Variants in SLC47A1 observed in about 807,000 individuals in gnomAD.
SLC47A1 encodes the protein multidrug and toxin extrusion protein 1.
SLC47A1 carries 58 observed loss-of-function variants against 65.8 expected under a neutral mutation model. The observed-to-expected ratio is 0.88, with a 90% CI of 0.71 to 1.10. The LOEUF (loss-of-function observed/expected upper bound fraction) is 1.10. Ranked by LOEUF, SLC47A1 falls within the 50% of genes least tolerant of loss-of-function variation. The pLI is 0.00. For synonymous variants in SLC47A1, 285 were observed against 295.0 expected (o/e 0.97, Z 0.35); for missense variants, 706 against 719.2 (o/e 0.98, Z 0.21).
chr17:19,574,169 C>G (rs1441101863), intron 16 of SLC47A1, among the ~76,000 whole-genome samples: 2 of 151,622 alleles, frequency 1.3e-5, no homozygotes, highest in East Asian at 3.9e-4. Flanking sequence ...GTGATCCACC[C>G]TCCTCGGCCC....
intron 12 of SLC47A1, among the ~76,000 whole-genome samples, chr17:19,564,363 TATA>T (rs1170464660): frequency 6.6e-6 from 1 of 151,794 alleles, no homozygotes; most frequent in Admixed American, 6.6e-5. Context: ...AAAAAGTGAA[TATA>T]ATATCTCAGG....
In SLC47A1 at chr17:19,576,198, CAA is replaced by C. The variant is rs1035035829; in HGVS notation, c.1487-1127_1487-1126del. On this transcript the variant is annotated intron_variant, in intron 16 of 16. Coordinates refer to ENST00000270570, the MANE Select transcript of SLC47A1 (RefSeq NM_018242.3). ...GTCTCTTTCAAGGCCTGTTGATCTCCAAAGAGTTTTTAATTTAAAATACTCAT... is the reference window on the plus strand; with the variant it reads ...GTCTCTTTCAAGGCCTGTTGATCTCCAGAGTTTTTAATTTAAAATACTCAT... 4.7e-5 allele frequency among the ~76,000 whole-genome samples: 7 copies of C among 149,910 alleles called. No homozygotes were observed. The Admixed American group carries it at 4.7e-4, about 10-fold the overall frequency.
chr17:19,566,548 C>T (rs2084359299), intron 12 of SLC47A1, among the ~76,000 whole-genome samples: 1 of 152,148 alleles, frequency 6.6e-6, no homozygotes, highest in Admixed American at 6.5e-5. Flanking sequence ...GCCTCAGCCT[C>T]CTGAGTAGCT....
At position 19,555,793 on chromosome 17, in the gene SLC47A1, C is replaced by A. The variant is rs760974065; in HGVS notation, c.740-3C>A. ...CCTGGAAATGTGTGTGTCCCCCCCACAGGCTGGTCCCTCGAGTGCCTGCAG... is the reference window on the plus strand; with the variant it reads ...CCTGGAAATGTGTGTGTCCCCCCCAAAGGCTGGTCCCTCGAGTGCCTGCAG... On this transcript the variant is annotated splice_polypyrimidine_tract_variant and splice_region_variant and intron_variant, in intron 8 of 16. Coordinates refer to ENST00000270570, the MANE Select transcript of SLC47A1 (RefSeq NM_018242.3). 3 of 1,613,502 alleles carry A rather than the reference C, an allele frequency of 1.9e-6. No homozygotes were observed. Among genetic ancestry groups the A allele is most frequent in the South Asian group, 1.1e-5 (1 of 91,084 alleles).
chr17:19,566,608 A>G (rs909399645), intron 12 of SLC47A1, among the ~76,000 whole-genome samples, 182 bp from the exon 13 acceptor site: 6 of 152,158 alleles, frequency 3.9e-5, no homozygotes, highest in South Asian at 2.1e-4. Context: ...TATTTTTAGT[A>G]GATACGGGGT....
rs373607493 is a variant in SLC47A1, at chr17:19,548,110, C to G, written c.432C>G (p.Phe144Leu). The change falls in exon 4 of 17, where the codon TTC becomes TTG. Residue 144 changes from phenylalanine to leucine, a missense_variant. Transcript: ENST00000270570. ...FLNTQHILLL[F>L]RQDPDVSRLT... ...ACACCCAGCACATCCTGCTGCTCTT[C>G]AGGCAGGACCCAGATGTGTCCAGGT... is the stretch of plus-strand genomic sequence containing the variant. 5 of 1,613,616 alleles carry G rather than the reference C, an allele frequency of 3.1e-6. No individual in the cohort carries two copies. In the African/African-American group the frequency reaches 6.7e-5, roughly 22 times the overall value.
rs1481736435 is a variant in SLC47A1 at position 19,560,186 on chromosome 17, A to T, written c.922-2A>T. 1 of 1,603,232 alleles carries T rather than the reference A, an allele frequency of 6.2e-7. No homozygotes were observed. Among genetic ancestry groups the T allele is most frequent in the Non-Finnish European group, 8.5e-7 (1 of 1,175,350 alleles). On this transcript the variant is annotated splice_acceptor_variant, in intron 10 of 16. Coordinates refer to ENST00000270570, the MANE Select transcript of SLC47A1 (RefSeq NM_018242.3). LOFTEE classifies it high-confidence loss of function. ...TTGTTGCAGGTTTCCTTTTTATTTT[A>T]GGTCCCTGCAGGCTTCAGTGTGGCT...
rs747199363 is a variant in SLC47A1, at chr17:19,542,437, C to T, written c.180C>T (p.Ser60=). 21 of 1,612,202 alleles carry T rather than the reference C, an allele frequency of 1.3e-5. No homozygotes were observed. Among genetic ancestry groups the T allele is most frequent in the East Asian group, 1.1e-4 (5 of 44,714 alleles). The change falls in exon 2 of 17, where the codon TCC becomes TCT. Residue 60 remains serine, a synonymous_variant. Transcript: ENST00000270570. ...LMVFLISFIS[S]VFCGHLGKLE... ...TGTTCCTGATCAGCTTCATAAGCTC[C>T]GTGTTCTGTGGCCACCTGGGCAAGC...
chr17:19,577,680 A>G lies in SLC47A1; in HGVS notation c.*127A>G. 6.8e-7 allele frequency: 1 copy of G among 1,476,974 alleles called. No homozygotes were observed. Among genetic ancestry groups the G allele is most frequent in the Non-Finnish European group, 8.9e-7 (1 of 1,121,848 alleles). The allele number at this position is 1,476,974 out of a possible 1,614,324, so 91.5% of individuals were successfully genotyped here. On this transcript the variant is annotated 3_prime_UTR_variant, in exon 17 of 17. Coordinates refer to ENST00000270570, the MANE Select transcript of SLC47A1 (RefSeq NM_018242.3). ...TGCCCATGGATTTTGAGGGCTGGAA[A>G]TGCAAAGACACATTTTTCTATAAAA...
chr17:19,542,990 C>T (rs865805607), intron 2 of SLC47A1, among the ~76,000 whole-genome samples: 1 of 152,024 alleles, frequency 6.6e-6, no homozygotes, highest in Middle Eastern at 3.4e-3. Flanking sequence ...TGGGGTTTCA[C>T]CATGTTGCCC....
chr17:19,577,702 A>G lies in SLC47A1; in HGVS notation c.*149A>G, dbSNP rs772276980. On this transcript the variant is annotated 3_prime_UTR_variant, in exon 17 of 17. Transcript: ENST00000270570. Reference sequence around the variant, plus strand: ...GAAATGCAAAGACACATTTTTCTATAAAAAGAAAAAGCAACTAAGGTTAAA... The same window carrying G: ...GAAATGCAAAGACACATTTTTCTATGAAAAGAAAAAGCAACTAAGGTTAAA... 6.9e-7 allele frequency: 1 copy of G among 1,444,220 alleles called. No individual in the cohort carries two copies. Among genetic ancestry groups the G allele is most frequent in the Non-Finnish European group, 9.0e-7 (1 of 1,106,114 alleles). The allele number at this position is 1,444,220 out of a possible 1,614,324, so 89.5% of individuals were successfully genotyped here.
At chr17:19,547,009 T>C (rs1916307988) in intron 3 of SLC47A1, 2 of 155,676 alleles carry the variant, frequency 1.3e-5, no homozygotes, top group Non-Finnish European at 2.8e-5. Flanking sequence ...TCACTGAACC[T>C]GGAGCTGGAA....
chr17:19,567,146 C>A lies in SLC47A1; in HGVS notation c.1227C>A (p.Ala409=). Residue 409 remains alanine (A), a synonymous_variant, in exon 14 of 17, where the codon GCC becomes GCA. Coordinates refer to ENST00000270570, the MANE Select transcript of SLC47A1 (RefSeq NM_018242.3). ...LRGSGNQKVG[A]IVNTIGYYVV... is the part of the protein sequence containing the mutation. ...GGAGTGGAAATCAGAAGGTTGGAGC[C>A]ATTGTGAATACCATTGGGTACTATG... 1 of 1,614,170 alleles carries A rather than the reference C, an allele frequency of 6.2e-7. No individual in the cohort carries two copies. The highest frequency in any genetic ancestry group is 8.5e-7 in the Non-Finnish European group (1 of 1,180,034).
intron 6 of SLC47A1, among the ~76,000 whole-genome samples, chr17:19,551,711 A>C (rs996805110): frequency 3.3e-5 from 5 of 152,238 alleles, no homozygotes; most frequent in Non-Finnish European, 5.9e-5. Context: ...TCCAATTCCC[A>C]CTTGGAAATA....
intron 7 of SLC47A1, 45 bp downstream of exon 7, chr17:19,555,354 A>C (rs781549737): frequency 5.7e-5 from 92 of 1,602,150 alleles, no homozygotes; most frequent in Non-Finnish European, 7.2e-5. Context: ...GATGACTTGC[A>C]TGTGGTTTTT....
chr17:19,550,185 C>T (rs1479065920), intron 5 of SLC47A1, among the ~76,000 whole-genome samples: 1 of 152,044 alleles, frequency 6.6e-6, no homozygotes. Context: ...ACAGTGGGAT[C>T]GTCATAGCTC....
At chr17:19,540,969 G>A (rs1204821176) in intron 1 of SLC47A1, among the ~76,000 whole-genome samples, 1 of 152,136 alleles carries the variant, frequency 6.6e-6, no homozygotes, top group East Asian at 1.9e-4. Context: ...GGATTCTAGG[G>A]AAGAAAAGAG....
intron 1 of SLC47A1, among the ~76,000 whole-genome samples, chr17:19,536,747 A>G (rs1481491108): frequency 6.6e-6 from 1 of 152,176 alleles, no homozygotes; most frequent in Non-Finnish European, 1.5e-5. Context: ...CTCATTGTCC[A>G]ATACTTTCTT....
chr17:19,567,446 C>A (rs1038393407), intron 14 of SLC47A1, among the ~76,000 whole-genome samples: 1 of 152,200 alleles, frequency 6.6e-6, no homozygotes, highest in Non-Finnish European at 1.5e-5. Flanking sequence ...CACACCCCTG[C>A]GGGCGATCTT....
Sources: gnomAD v4.1 joint callset for allele counts (sites outside exome capture counted in the v4.1 genomes callset) on GRCh38, gnomAD v4.1.1 for gene constraint, MANE v1.5 for transcripts, NCBI Gene and HGNC (gene_info 2026-07-23, HGNC 2026-07-21) for gene names.